MACROD2: variants seen among roughly 807,000 people sequenced by gnomAD.
MACROD2 encodes the protein ADP-ribose glycohydrolase MACROD2.
In MACROD2, 36 loss-of-function variants were observed where a neutral mutation model predicts 70.4. The ratio of observed to expected loss-of-function variants is 0.51; its 90% CI spans 0.39 to 0.68. MACROD2 has a LOEUF of 0.68. Among genes scored for constraint, MACROD2 ranks in the 30% least tolerant of loss-of-function variants. The probability of loss-of-function intolerance (pLI) is 0.00; values close to 1 mark genes in which losing one functional copy is unlikely to be tolerated. For synonymous variants in MACROD2, 172 were observed against 178.8 expected, an observed-to-expected ratio of 0.96 and a Z score of 0.30; for missense variants, 496 against 538.4, an observed-to-expected ratio of 0.92 and a Z score of 0.78.
intron 3 of MACROD2, among the ~76,000 whole-genome samples, chr20:14,239,868 AG>A (rs1259411832): frequency 2.6e-5 from 4 of 152,230 alleles, no homozygotes; most frequent in African/African-American, 9.6e-5. Context: ...GCAGAGCAAA[AG>A]AAACTATTAG....
At chr20:15,260,567 T>G (rs1291079957) in intron 6 of MACROD2, among the ~76,000 whole-genome samples, 1 of 151,980 alleles carries the variant, frequency 6.6e-6, no homozygotes, top group African/African-American at 2.4e-5. Flanking sequence ...ATGGCTGCAG[T>G]AAATATGGGA....
intron 3 of MACROD2, among the ~76,000 whole-genome samples, chr20:14,460,358 C>G (rs1159913020): frequency 1.3e-5 from 2 of 152,118 alleles, no homozygotes; most frequent in African/African-American, 4.8e-5. Flanking sequence ...TAAAAACCTT[C>G]CTATTTCTCC....
intron 5 of MACROD2, among the ~76,000 whole-genome samples, chr20:14,768,398 T>C (rs761752735): frequency 3.3e-5 from 5 of 152,146 alleles, no homozygotes; most frequent in Non-Finnish European, 5.9e-5. Flanking sequence ...TCCCAGGAAT[T>C]TGGGAATTGA....
chr20:15,896,472 A>G (rs781054600), intron 10 of MACROD2, among the ~76,000 whole-genome samples: 1 of 152,140 alleles, frequency 6.6e-6, no homozygotes, highest in East Asian at 1.9e-4. Flanking sequence ...GAATTTTTTT[A>G]AAGTACAGAC....
At chr20:14,887,936 G>A (rs755628346) in intron 5 of MACROD2, among the ~76,000 whole-genome samples, 4 of 152,016 alleles carry the variant, frequency 2.6e-5, no homozygotes, top group East Asian at 1.9e-4. Context: ...AAGAGACTGG[G>A]TGTTGCCAAA....
intron 4 of MACROD2, among the ~76,000 whole-genome samples, chr20:14,677,527 C>G (rs553998914): frequency 6.6e-6 from 1 of 152,290 alleles, no homozygotes; most frequent in African/African-American, 2.4e-5. Context: ...TAACCATCTG[C>G]CTGCAAGCAT....
chr20:14,565,145 A>G (rs887876810), intron 4 of MACROD2, among the ~76,000 whole-genome samples: 3 of 151,928 alleles, frequency 2.0e-5, no homozygotes, highest in African/African-American at 7.2e-5. Flanking sequence ...ACATACATGG[A>G]CATGCAGAGT....
At chr20:14,331,944 G>A (rs1031234266) in intron 3 of MACROD2, among the ~76,000 whole-genome samples, 4 of 152,044 alleles carry the variant, frequency 2.6e-5, no homozygotes, top group African/African-American at 9.7e-5. Context: ...GCTTGAAAGA[G>A]GCCATTACTT....
chr20:14,738,084 A>G lies in MACROD2; in HGVS notation c.418+53125A>G, dbSNP rs535630373. On this transcript the variant is annotated intron_variant, in intron 5 of 17. Transcript: ENST00000684519. ...TTGTTTTTCTCAACATATTCTATCA[A>G]GTGTTTTTTTTTTTCATCTCTTGAA... Among the ~76,000 whole-genome samples the G allele has an allele frequency of 5.9e-4, 25 of 42,158 alleles. No individual in the cohort carries two copies. In the South Asian group the frequency reaches 0.024, roughly 40 times the overall value. The allele number at this position is 42,158 out of a possible 152,430, so 27.7% of individuals were successfully genotyped here.
chr20:15,252,485 T>C (rs1568669714), intron 6 of MACROD2, among the ~76,000 whole-genome samples: 1 of 152,204 alleles, frequency 6.6e-6, no homozygotes, highest in East Asian at 1.9e-4. Flanking sequence ...AACTGTTGCT[T>C]GTCACAACAG....
intron 8 of MACROD2, among the ~76,000 whole-genome samples, chr20:15,791,150 T>G (rs147945191): frequency 2.6e-5 from 4 of 152,126 alleles, no homozygotes; most frequent in Admixed American, 1.3e-4. Flanking sequence ...TAGTTAGTCA[T>G]TCTTCTCAAT....
At chr20:16,012,075 C>T (rs979484198) in intron 15 of MACROD2, among the ~76,000 whole-genome samples, 8 of 152,308 alleles carry the variant, frequency 5.3e-5, no homozygotes, top group South Asian at 2.1e-4. Context: ...AAGAGATTCT[C>T]GGAGCCAGGC....
intron 4 of MACROD2, among the ~76,000 whole-genome samples, chr20:14,680,140 TAAG>T (rs2070913949): frequency 2.0e-5 from 3 of 152,020 alleles, no homozygotes; most frequent in Admixed American, 2.0e-4. Flanking sequence ...GAATAGGAAT[TAAG>T]GAGGAGATGC....
chr20:15,427,020 GTCTGTCTC>G (rs1179168471), intron 6 of MACROD2, among the ~76,000 whole-genome samples: 3 of 144,994 alleles, frequency 2.1e-5, no homozygotes, highest in Non-Finnish European at 4.6e-5. Context: ...CTCTCTGTCT[GTCTGTCTC>G]TCTCTCTCTG....
intron 3 of MACROD2, among the ~76,000 whole-genome samples, chr20:14,222,254 G>T (rs376526934): frequency 2.4e-4 from 37 of 152,090 alleles, no homozygotes; most frequent in Non-Finnish European, 4.7e-4. Context: ...ATTAACATAT[G>T]ATTTAATAAA....
chr20:14,304,754 T>C (rs2082505276), intron 3 of MACROD2, among the ~76,000 whole-genome samples: 1 of 130,960 alleles, frequency 7.6e-6, no homozygotes, highest in African/African-American at 2.9e-5. Context: ...ACCTTATTTT[T>C]GTCTTTGTCT....
At chr20:14,590,485 C>T (rs149325438) in intron 4 of MACROD2, among the ~76,000 whole-genome samples, 6 of 152,208 alleles carry the variant, frequency 3.9e-5, no homozygotes, top group East Asian at 3.9e-4. Flanking sequence ...TAGCCTACCC[C>T]GTACACTTGA....
intron 4 of MACROD2, among the ~76,000 whole-genome samples, chr20:14,537,307 T>TA (rs1302296670): frequency 1.3e-5 from 2 of 152,116 alleles, no homozygotes; most frequent in African/African-American, 4.8e-5. Context: ...GAGGCAGCTT[T>TA]AAAAAAAGGA....
intron 5 of MACROD2, among the ~76,000 whole-genome samples, chr20:15,031,574 C>G (rs538321287): frequency 6.6e-6 from 1 of 152,240 alleles, no homozygotes; most frequent in South Asian, 2.1e-4. Context: ...GAGAGGGGAC[C>G]CATACTGGGT....
Sources: gnomAD v4.1 joint callset for allele counts (sites outside exome capture counted in the v4.1 genomes callset) on GRCh38, gnomAD v4.1.1 for gene constraint, MANE v1.5 for transcripts, NCBI Gene and HGNC (gene_info 2026-07-23, HGNC 2026-07-21) for gene names.